Variants in PLPPR5 observed in about 807,000 individuals in gnomAD.
PLPPR5 encodes the protein phospholipid phosphatase related 5.
Under a neutral mutation model 33.9 loss-of-function variants are expected in PLPPR5, and 16 were observed. The ratio of observed to expected loss-of-function variants is 0.47; its 90% CI spans 0.32 to 0.72. PLPPR5 has a LOEUF of 0.72. Ranked by LOEUF, PLPPR5 falls within the 30% of genes least tolerant of loss-of-function variation. PLPPR5 has a pLI of 0.03. For synonymous variants in PLPPR5, 163 were observed against 150.3 expected (o/e 1.08, Z -0.62); for missense variants, 301 against 406.7 (o/e 0.74, Z 2.23).
intron 3 of PLPPR5, among the ~76,000 whole-genome samples, chr1:98,924,083 A>C (rs763066570): frequency 1.3e-5 from 2 of 152,246 alleles, no homozygotes; most frequent in Non-Finnish European, 2.9e-5. Context: ...GACAAAATAA[A>C]TGTGGGATGA....
At chr1:98,928,689 ACTG>A (rs1479574104) in intron 3 of PLPPR5, among the ~76,000 whole-genome samples, 1 of 150,910 alleles carries the variant, frequency 6.6e-6, no homozygotes, top group African/African-American at 2.4e-5. Flanking sequence ...TTCAGCAGTT[ACTG>A]CTACTTTATT....
intron 5 of PLPPR5, among the ~76,000 whole-genome samples, chr1:98,909,655 G>A (rs995441377): frequency 2.6e-5 from 4 of 152,058 alleles, no homozygotes; most frequent in African/African-American, 9.7e-5. Context: ...ATTTAAGTGA[G>A]TTGCCTAAGG....
At chr1:98,911,244 G>C (rs1229743904) in intron 5 of PLPPR5, among the ~76,000 whole-genome samples, 2 of 152,132 alleles carry the variant, frequency 1.3e-5, no homozygotes, top group Non-Finnish European at 2.9e-5. Flanking sequence ...GAGCTCAGCA[G>C]GGTGTGGTGC....
chr1:98,953,112 G>T lies in PLPPR5; in HGVS notation c.579C>A (p.Ser193=). 6.2e-7 allele frequency: 1 copy of T among 1,614,020 alleles called. No homozygotes were observed. The highest frequency in any genetic ancestry group is 8.5e-7 in the Non-Finnish European group (1 of 1,179,996). Residue 193 remains serine (S), a synonymous_variant, in exon 3 of 6, where the codon TCC becomes TCA. Coordinates refer to ENST00000263177, the MANE Select transcript of PLPPR5 (RefSeq NM_001037317.2). ...LIMRARKTFP[S]KEAALSVYAA... ...CATAGACACTGAGAGCTGCTTCTTT[G>T]GATGGAAAGGTTTTTCGGGCTCTCA... is the stretch of plus-strand genomic sequence containing the variant.
chr1:98,960,863 C>T (rs997982819), intron 1 of PLPPR5, among the ~76,000 whole-genome samples: 1 of 152,154 alleles, frequency 6.6e-6, no homozygotes, highest in African/African-American at 2.4e-5. Context: ...ATACTGTATC[C>T]ATGCTGAGGC....
At chr1:98,978,347 T>C (rs1651938573) in intron 1 of PLPPR5, among the ~76,000 whole-genome samples, 1 of 152,102 alleles carries the variant, frequency 6.6e-6, no homozygotes, top group African/African-American at 2.4e-5. Flanking sequence ...AGAATTTTTA[T>C]CCCATCTTCA....
At chr1:98,910,731 G>A (rs932666216) in intron 5 of PLPPR5, among the ~76,000 whole-genome samples, 23 of 152,040 alleles carry the variant, frequency 1.5e-4, no homozygotes, top group East Asian at 3.9e-4. Flanking sequence ...GCACTAACAC[G>A]CGCACATCAC....
chr1:98,937,467 A>G (rs141597882), intron 3 of PLPPR5, among the ~76,000 whole-genome samples: 1 of 152,272 alleles, frequency 6.6e-6, no homozygotes, highest in East Asian at 1.9e-4. Context: ...AGCTCATAAG[A>G]CACATTTCTG....
intron 5 of PLPPR5, among the ~76,000 whole-genome samples, chr1:98,906,359 A>G (rs1263770156): frequency 6.6e-6 from 1 of 151,776 alleles, no homozygotes; most frequent in East Asian, 1.9e-4. Flanking sequence ...TATTTATTTC[A>G]TCCTCATACT....
intron 3 of PLPPR5, among the ~76,000 whole-genome samples, chr1:98,933,059 C>G (rs1461587680): frequency 2.0e-5 from 3 of 152,132 alleles, no homozygotes; most frequent in Admixed American, 6.5e-5. Flanking sequence ...ATTCACATTT[C>G]TACCTCAAAA....
intron 2 of PLPPR5, among the ~76,000 whole-genome samples, chr1:98,953,805 G>A (rs1286844065): frequency 6.6e-6 from 1 of 152,144 alleles, no homozygotes; most frequent in East Asian, 1.9e-4. Context: ...TGCTGGAGGT[G>A]CCAATTAGCA....
intron 5 of PLPPR5, among the ~76,000 whole-genome samples, chr1:98,905,589 G>A (rs1461639610): frequency 6.6e-6 from 1 of 151,930 alleles, no homozygotes; most frequent in Non-Finnish European, 1.5e-5. Flanking sequence ...TCTAGAATTT[G>A]TCTCATTTTG....
At chr1:98,953,859 T>C (rs530909473) in intron 2 of PLPPR5, among the ~76,000 whole-genome samples, 35 of 152,296 alleles carry the variant, frequency 2.3e-4, no homozygotes, top group Admixed American at 2.3e-3. Context: ...TGGAAAATCT[T>C]AAGTAAACCA....
intron 1 of PLPPR5, among the ~76,000 whole-genome samples, chr1:98,959,659 C>T (rs1381703756): frequency 6.6e-6 from 1 of 152,124 alleles, no homozygotes; most frequent in Non-Finnish European, 1.5e-5. Context: ...ATGATTTCCC[C>T]AGTTGTCTTC....
chr1:98,890,588 G>T lies in PLPPR5; in HGVS notation c.*2484C>A, dbSNP rs1295964483. 6.6e-6 allele frequency: 1 copy of T among 152,490 alleles called. No individual in the cohort carries two copies. Among genetic ancestry groups the T allele is most frequent in the African/African-American group, 2.4e-5 (1 of 41,414 alleles). The allele number at this position is 152,490 out of a possible 1,614,324, so 9.4% of individuals were successfully genotyped here. On this transcript the variant is annotated 3_prime_UTR_variant, in exon 6 of 6. Coordinates refer to ENST00000263177, the MANE Select transcript of PLPPR5 (RefSeq NM_001037317.2). ...GGGCCCCAAGTAAGTAGAATAAAAAGGAGATGTTTTTATCAGAAAGATATG... is the reference window on the plus strand; with the variant it reads ...GGGCCCCAAGTAAGTAGAATAAAAATGAGATGTTTTTATCAGAAAGATATG...
At chr1:98,914,238 T>C (rs1649257013) in intron 5 of PLPPR5, among the ~76,000 whole-genome samples, 1 of 152,206 alleles carries the variant, frequency 6.6e-6, no homozygotes, top group African/African-American at 2.4e-5. Flanking sequence ...AAGTACTAAA[T>C]GGATTTCACA....
chr1:98,972,913 C>A (rs1651707482), intron 1 of PLPPR5, among the ~76,000 whole-genome samples: 1 of 151,950 alleles, frequency 6.6e-6, no homozygotes, highest in Non-Finnish European at 1.5e-5. Flanking sequence ...AAGGGACTCA[C>A]AGAATACTTT....
intron 3 of PLPPR5, among the ~76,000 whole-genome samples, chr1:98,923,729 G>A (rs218169): frequency 6.6e-6 from 1 of 152,166 alleles, no homozygotes; most frequent in South Asian, 2.1e-4. Context: ...GTGTGTCTAA[G>A]ACTGTGCTTG....
At chr1:98,908,316 C>G (rs1250981909) in intron 5 of PLPPR5, among the ~76,000 whole-genome samples, 1 of 150,702 alleles carries the variant, frequency 6.6e-6, no homozygotes, top group East Asian at 2.0e-4. Context: ...GTCAAAATGC[C>G]AAAAAAAATT....
Sources: allele counts gnomAD v4.1 joint callset (sites outside exome capture counted in the v4.1 genomes callset), GRCh38; gene constraint gnomAD v4.1.1; transcripts MANE v1.5; gene names NCBI Gene and HGNC (gene_info 2026-07-23, HGNC 2026-07-21).